TRPC4: variants seen among roughly 807,000 people sequenced by gnomAD.
The protein encoded by TRPC4 is short transient receptor potential channel 4.
A neutral mutation model predicts 99.4 loss-of-function variants in TRPC4; 49 were observed. The observed-to-expected ratio is 0.49, with a 90% confidence interval of 0.39 to 0.63. The LOEUF (loss-of-function observed/expected upper bound fraction) is 0.63, where lower values mean the gene tolerates loss of function less well. Ranked by LOEUF, TRPC4 falls within the 20% of genes least tolerant of loss-of-function variation. The probability of loss-of-function intolerance (pLI) is 0.00; values close to 1 mark genes in which losing one functional copy is unlikely to be tolerated. For synonymous variants in TRPC4, 454 were observed against 425.9 expected, an observed-to-expected ratio of 1.07 and a Z score of -0.81; for missense variants, 898 against 1,152.9, an observed-to-expected ratio of 0.78 and a Z score of 3.20.
intron 2 of TRPC4, among the ~76,000 whole-genome samples, chr13:37,749,299 T>A (rs1955869314): frequency 6.6e-6 from 1 of 152,156 alleles, no homozygotes; most frequent in Non-Finnish European, 1.5e-5. Flanking sequence ...AACGGACTAA[T>A]ACAGTAAATA....
intron 3 of TRPC4, among the ~76,000 whole-genome samples, chr13:37,743,767 A>G (rs1955661889): frequency 6.6e-6 from 1 of 152,220 alleles, no homozygotes; most frequent in African/African-American, 2.4e-5. Flanking sequence ...TTCTATCTCG[A>G]ACAACTCTTT....
chr13:37,637,689 G>T, intron 10 of TRPC4, 64 bp from the exon 11 acceptor site: 2 of 1,458,482 alleles, frequency 1.4e-6, no homozygotes, highest in East Asian at 4.6e-5. Context: ...TCATTTTCTC[G>T]TCTCATATAT....
intron 2 of TRPC4, among the ~76,000 whole-genome samples, chr13:37,751,130 A>C (rs1955921505): frequency 6.6e-6 from 1 of 151,914 alleles, no homozygotes. Context: ...TCAGTTTTAA[A>C]ATGCAGGACA....
chr13:37,766,024 C>A (rs1235390257), intron 2 of TRPC4, among the ~76,000 whole-genome samples: 3 of 151,062 alleles, frequency 2.0e-5, no homozygotes, highest in Non-Finnish European at 4.4e-5. Context: ...TTAAAGCATG[C>A]AGCACATGAA....
chr13:37,658,079 A>C (rs1228907825), intron 6 of TRPC4, among the ~76,000 whole-genome samples: 2 of 152,176 alleles, frequency 1.3e-5, no homozygotes, highest in Non-Finnish European at 2.9e-5. Flanking sequence ...TGTCATTAGT[A>C]ATTCCCAAAT....
chr13:37,736,470 C>A (rs1326931869), intron 3 of TRPC4, among the ~76,000 whole-genome samples: 1 of 152,202 alleles, frequency 6.6e-6, no homozygotes, highest in East Asian at 1.9e-4. Flanking sequence ...ATGAGTATAG[C>A]TAAGATTCTG....
At chr13:37,799,977 G>A (rs541950665) in intron 1 of TRPC4, among the ~76,000 whole-genome samples, 12 of 152,138 alleles carry the variant, frequency 7.9e-5, no homozygotes, top group Admixed American at 5.9e-4. Flanking sequence ...GTCCATAGGC[G>A]GGGTTGTTGC....
At chr13:37,712,653 C>T (rs1037899716) in intron 3 of TRPC4, among the ~76,000 whole-genome samples, 7 of 152,208 alleles carry the variant, frequency 4.6e-5, no homozygotes, top group African/African-American at 1.7e-4. Context: ...GAGAATTGGT[C>T]AGTTTTTATG....
At chr13:37,833,682 C>T (rs612701) in intron 1 of TRPC4, among the ~76,000 whole-genome samples, 88,298 of 151,788 alleles carry the variant, frequency 0.58, 26,721 homozygotes, top group African/African-American at 0.74. Context: ...CGGGGTTTTG[C>T]GCCTCAACTG....
intron 1 of TRPC4, among the ~76,000 whole-genome samples, chr13:37,797,364 GATAA>G (rs938897300): frequency 6.6e-6 from 1 of 152,004 alleles, no homozygotes; most frequent in African/African-American, 2.4e-5. Context: ...ATGTCGCAAT[GATAA>G]ATAATTAAAT....
intron 1 of TRPC4, among the ~76,000 whole-genome samples, chr13:37,859,183 C>T (rs1959202496): frequency 1.3e-5 from 2 of 150,778 alleles, no homozygotes; most frequent in South Asian, 4.2e-4. Context: ...ATAAAATATA[C>T]AGATTACAAC....
intron 3 of TRPC4, among the ~76,000 whole-genome samples, chr13:37,742,510 T>C (rs1955622680): frequency 6.6e-6 from 1 of 152,056 alleles, no homozygotes; most frequent in South Asian, 2.1e-4. Context: ...GGAAAAGTAA[T>C]AACACAATGC....
chr13:37,843,812 C>A (rs778075536), intron 1 of TRPC4, among the ~76,000 whole-genome samples: 51 of 152,122 alleles, frequency 3.4e-4, no homozygotes, highest in Non-Finnish European at 5.7e-4. Flanking sequence ...TAACCAGCAA[C>A]TATCCGCAGG....
intron 3 of TRPC4, among the ~76,000 whole-genome samples, chr13:37,703,641 A>G (rs964961658): frequency 5.9e-5 from 9 of 152,150 alleles, no homozygotes; most frequent in African/African-American, 2.2e-4. Context: ...ATCACTGCAT[A>G]CCTATTAGAA....
intron 4 of TRPC4, among the ~76,000 whole-genome samples, chr13:37,678,574 A>G (rs970016678): frequency 3.9e-5 from 6 of 152,082 alleles, no homozygotes; most frequent in Admixed American, 3.9e-4. Flanking sequence ...AGCAACCTGA[A>G]TAGTCCTATA....
At chr13:37,791,710 T>C (rs1449897957) in intron 1 of TRPC4, among the ~76,000 whole-genome samples, 1 of 152,010 alleles carries the variant, frequency 6.6e-6, no homozygotes, top group Non-Finnish European at 1.5e-5. Flanking sequence ...TAAGATGAGA[T>C]GGAGAAATTT....
intron 1 of TRPC4, among the ~76,000 whole-genome samples, chr13:37,824,935 T>G (rs1353836228): frequency 1.3e-5 from 2 of 152,174 alleles, no homozygotes; most frequent in Non-Finnish European, 2.9e-5. Flanking sequence ...TATTGATTAT[T>G]GCCACAATTT....
intron 1 of TRPC4, among the ~76,000 whole-genome samples, chr13:37,805,541 A>C (rs1957509293): frequency 6.6e-6 from 1 of 152,024 alleles, no homozygotes; most frequent in Non-Finnish European, 1.5e-5. Context: ...CAGAAGGCCC[A>C]ATGTCTTTGT....
chr13:37,868,954 C>A (rs1959963345), intron 1 of TRPC4, among the ~76,000 whole-genome samples: 1 of 152,056 alleles, frequency 6.6e-6, no homozygotes, highest in Non-Finnish European at 1.5e-5. Context: ...AGTGATTTAA[C>A]CAAGTAGCAA....
Sources: gnomAD v4.1 joint callset for allele counts (sites outside exome capture counted in the v4.1 genomes callset) on GRCh38, gnomAD v4.1.1 for gene constraint, MANE v1.5 for transcripts, NCBI Gene and HGNC (gene_info 2026-07-23, HGNC 2026-07-21) for gene names.